Variants in PPARGC1A observed in about 807,000 individuals in gnomAD.
PPARGC1A encodes the protein PPARG coactivator 1 alpha.
PPARGC1A carries 25 observed loss-of-function variants against 88.7 expected under a neutral mutation model. The ratio of observed to expected loss-of-function variants is 0.28; its 90% CI spans 0.21 to 0.39. The LOEUF is 0.39. PPARGC1A is among the 10% of genes least tolerant of loss of function. The probability of loss-of-function intolerance (pLI) is 1.00; values close to 1 mark genes in which losing one functional copy is unlikely to be tolerated. For missense variants in PPARGC1A, 880 were observed against 968.7 expected (o/e 0.91, Z 1.22); for synonymous variants, 363 against 355.6 (o/e 1.02, Z -0.24).
chr4:24,212,094 G>A, the PPARGC1A span, among the ~76,000 whole-genome samples: 1,655 of 152,178 alleles, frequency 0.011, 10 homozygotes, highest in East Asian at 0.057. Context: ...GGAGGATGCC[G>A]TCCAAACTCT....
At chr4:24,331,623 G>A in the PPARGC1A span, among the ~76,000 whole-genome samples, 1 of 152,150 alleles carries the variant, frequency 6.6e-6, no homozygotes, top group Middle Eastern at 3.4e-3. Context: ...CACTTCATAA[G>A]ATCTGCCACC....
chr4:24,315,084 G>A, the PPARGC1A span, among the ~76,000 whole-genome samples: 1 of 151,276 alleles, frequency 6.6e-6, no homozygotes, highest in Non-Finnish European at 1.5e-5. Flanking sequence ...AAAAGCCTTT[G>A]GTCAGAAGGC....
At chr4:24,350,049 G>A in the PPARGC1A span, among the ~76,000 whole-genome samples, 11 of 152,332 alleles carry the variant, frequency 7.2e-5, no homozygotes, top group African/African-American at 2.6e-4. Context: ...AGTTGGAAAC[G>A]TCTCCAGCAA....
At chr4:24,281,533 A>T in the PPARGC1A span, among the ~76,000 whole-genome samples, 1 of 152,188 alleles carries the variant, frequency 6.6e-6, no homozygotes, top group Non-Finnish European at 1.5e-5. Flanking sequence ...CTTATGAAGG[A>T]TCCACTCCCA....
the PPARGC1A span, among the ~76,000 whole-genome samples, chr4:23,928,571 C>A: frequency 6.6e-6 from 1 of 151,928 alleles, no homozygotes; most frequent in Non-Finnish European, 1.5e-5. Flanking sequence ...ACCAGAACTA[C>A]CATTTGACCC....
the PPARGC1A span, among the ~76,000 whole-genome samples, chr4:24,376,289 A>G: frequency 3.3e-5 from 5 of 152,180 alleles, no homozygotes. Flanking sequence ...ATTTACCGCA[A>G]GTCCTATGGA....
At chr4:23,829,875 C>T (rs759151792) in intron 3 of PPARGC1A, among the ~76,000 whole-genome samples, 1 of 152,034 alleles carries the variant, frequency 6.6e-6, no homozygotes, top group African/African-American at 2.4e-5. Context: ...AATTATTATA[C>T]AAGAAATAAT....
At chr4:23,818,194 G>A (rs1349612256) in intron 7 of PPARGC1A, among the ~76,000 whole-genome samples, 2 of 152,082 alleles carry the variant, frequency 1.3e-5, no homozygotes, top group Non-Finnish European at 2.9e-5. Context: ...GTACATTTTG[G>A]TGTTGACAGT....
the PPARGC1A span, among the ~76,000 whole-genome samples, chr4:24,061,682 G>A: frequency 2.6e-4 from 39 of 152,312 alleles, no homozygotes; most frequent in African/African-American, 9.4e-4. Context: ...GTGTCTCCAG[G>A]CTCTTAGGTA....
the PPARGC1A span, among the ~76,000 whole-genome samples, chr4:24,360,175 A>G: frequency 2.6e-5 from 4 of 152,292 alleles, no homozygotes; most frequent in Non-Finnish European, 4.4e-5. Flanking sequence ...ATTGGAGCAA[A>G]AGGCTCCTAA....
upstream of PPARGC1A, among the ~76,000 whole-genome samples, chr4:23,902,209 G>A (rs552365172): frequency 1.2e-4 from 19 of 152,204 alleles, 1 homozygote; most frequent in South Asian, 1.0e-3. Context: ...TTTAAAATTA[G>A]ATGAGTGATG....
intron 1 of PPARGC1A, chr4:23,889,455 A>G (rs953624347): frequency 3.7e-6 from 3 of 815,174 alleles, no homozygotes; most frequent in Non-Finnish European, 4.4e-6. Flanking sequence ...GAGGGGGGAA[A>G]AATCCGGACT....
chr4:24,245,169 GTGCT>G, the PPARGC1A span, among the ~76,000 whole-genome samples: 1 of 152,240 alleles, frequency 6.6e-6, no homozygotes, highest in African/African-American at 2.4e-5. Context: ...ATAACGCAAT[GTGCT>G]GGGTAAATGC....
the PPARGC1A span, among the ~76,000 whole-genome samples, chr4:24,022,382 C>T: frequency 3.0e-4 from 45 of 152,084 alleles, no homozygotes; most frequent in African/African-American, 9.2e-4. Flanking sequence ...TTTCCCATAG[C>T]GCTCACTGCC....
At chr4:24,041,835 G>A in the PPARGC1A span, among the ~76,000 whole-genome samples, 2 of 151,624 alleles carry the variant, frequency 1.3e-5, no homozygotes, top group East Asian at 1.9e-4. Context: ...AATTATATGG[G>A]TAACAAGTTG....
chr4:23,885,136 A>T (rs768662166), intron 1 of PPARGC1A, among the ~76,000 whole-genome samples: 1 of 152,198 alleles, frequency 6.6e-6, no homozygotes, highest in Non-Finnish European at 1.5e-5. Context: ...GCTTTATTCC[A>T]TCCAAAAGCT....
chr4:24,201,610 C>A, the PPARGC1A span, among the ~76,000 whole-genome samples: 1 of 152,200 alleles, frequency 6.6e-6, no homozygotes, highest in Non-Finnish European at 1.5e-5. Flanking sequence ...TGCATATAAT[C>A]TTCACTGCTT....
the PPARGC1A span, among the ~76,000 whole-genome samples, chr4:23,974,323 C>T: frequency 1.3e-5 from 2 of 152,072 alleles, no homozygotes; most frequent in African/African-American, 2.4e-5. Flanking sequence ...ACAATAATAC[C>T]GACCATAACA....
chr4:23,831,662 T>C lies in PPARGC1A; in HGVS notation c.324A>G (p.Ser108=). The change falls in exon 3 of 13, where the codon TCA becomes TCG. Residue 108 remains serine (S), a synonymous_variant. Coordinates refer to ENST00000264867, the MANE Select transcript of PPARGC1A (RefSeq NM_013261.5). ...CGTCTCCATCTGTCAGCGCATCAAA[T>C]GAGGGCAATCCGTCTTCATCCACAG... ...SLPVDEDGLP[S]FDALTDGDVT... is the part of the protein sequence containing the mutation. 1.9e-6 allele frequency: 3 copies of C among 1,614,060 alleles called. No individual in the cohort carries two copies. Among genetic ancestry groups the C allele is most frequent in the Non-Finnish European group, 2.5e-6 (3 of 1,179,924 alleles).
Sources: gnomAD v4.1 joint callset for allele counts (sites outside exome capture counted in the v4.1 genomes callset) on GRCh38, gnomAD v4.1.1 for gene constraint, MANE v1.5 for transcripts, NCBI Gene and HGNC (gene_info 2026-07-23, HGNC 2026-07-21) for gene names.